EPHA3: variants seen among roughly 807,000 people sequenced by gnomAD.
The protein encoded by EPHA3 is ephrin type-A receptor 3.
Under a neutral mutation model 107.1 loss-of-function variants are expected in EPHA3, and 42 were observed. The observed-to-expected ratio is 0.39, with a 90% CI of 0.31 to 0.51. The LOEUF is 0.51. Among genes scored for constraint, EPHA3 ranks in the 20% least tolerant of loss-of-function variants. EPHA3 has a pLI of 0.78. For missense variants in EPHA3, 1,183 were observed against 1,211.2 expected (o/e 0.98, Z 0.35); for synonymous variants, 461 against 424.8 (o/e 1.09, Z -1.05).
rs529350363 is a variant in EPHA3 at position 89,369,485 on chromosome 3, T to A, written c.1307-26352T>A. On this transcript the variant is annotated intron_variant, in intron 5 of 16. Coordinates refer to ENST00000336596, the MANE Select transcript of EPHA3 (RefSeq NM_005233.6). ...AAACTGGATCCCTTCCTTACACAAC[T>A]AATTTATACAAAAATTAATTCAAGA... Among the ~76,000 whole-genome samples the A allele has an allele frequency of 8.5e-4, 127 of 149,484 alleles. 5 individuals are homozygous for A. Among genetic ancestry groups the A allele is most frequent in the African/African-American group, 3.0e-3 (121 of 40,186 alleles).
chr3:89,236,345 T>G (rs2107234752), intron 3 of EPHA3, among the ~76,000 whole-genome samples: 1 of 151,598 alleles, frequency 6.6e-6, no homozygotes, highest in South Asian at 2.1e-4. Flanking sequence ...AGTAAATGAA[T>G]AAAAGGTGGT....
intron 3 of EPHA3, among the ~76,000 whole-genome samples, chr3:89,267,327 A>G (rs975691579): frequency 9.2e-5 from 14 of 152,156 alleles, no homozygotes; most frequent in Admixed American, 2.0e-4. Context: ...GTGTACTTCA[A>G]TTGGAAGGGA....
intron 3 of EPHA3, among the ~76,000 whole-genome samples, chr3:89,248,686 C>T (rs1705094326): frequency 6.6e-6 from 1 of 152,148 alleles, no homozygotes; most frequent in African/African-American, 2.4e-5. Context: ...ATAATCCCTG[C>T]AGCTTCATCA....
At chr3:89,447,742 T>A (rs1709903967) in intron 13 of EPHA3, among the ~76,000 whole-genome samples, 1 of 152,178 alleles carries the variant, frequency 6.6e-6, no homozygotes, top group African/African-American at 2.4e-5. Flanking sequence ...CTAAATATTT[T>A]ACTGAAATTT....
chr3:89,191,423 C>T (rs1289217215), intron 2 of EPHA3, among the ~76,000 whole-genome samples: 2 of 152,000 alleles, frequency 1.3e-5, no homozygotes, highest in African/African-American at 2.4e-5. Flanking sequence ...TCTCCTGCCT[C>T]AGCCTCCCGA....
At chr3:89,125,779 G>T (rs573066180) in intron 1 of EPHA3, among the ~76,000 whole-genome samples, 56 of 151,564 alleles carry the variant, frequency 3.7e-4, no homozygotes, top group Non-Finnish European at 7.4e-4. Flanking sequence ...GTGATCAAGA[G>T]CCTTACTTTT....
chr3:89,441,590 T>C (rs983104640), intron 13 of EPHA3, among the ~76,000 whole-genome samples: 1 of 152,162 alleles, frequency 6.6e-6, no homozygotes, highest in Admixed American at 6.6e-5. Context: ...CTAAAGCATC[T>C]ACATTTTAAA....
intron 3 of EPHA3, among the ~76,000 whole-genome samples, chr3:89,257,644 GA>G (rs1043777465): frequency 7.4e-6 from 1 of 134,938 alleles, no homozygotes; most frequent in African/African-American, 2.8e-5. Context: ...ACAATTAAAA[GA>G]AAAAAAATAC....
At chr3:89,430,743 A>G (rs1397770207) in intron 12 of EPHA3, among the ~76,000 whole-genome samples, 2 of 152,174 alleles carry the variant, frequency 1.3e-5, no homozygotes, top group African/African-American at 4.8e-5. Flanking sequence ...GAAACAATTC[A>G]TAAAATATCA....
chr3:89,152,394 A>G (rs1704708468), intron 2 of EPHA3, among the ~76,000 whole-genome samples: 1 of 152,022 alleles, frequency 6.6e-6, no homozygotes, highest in African/African-American at 2.4e-5. Flanking sequence ...CTTTCCACCC[A>G]CAACCTCCTT....
At chr3:89,136,330 C>CTGTTTTTTTTTTTTT (rs1704309654) in intron 2 of EPHA3, among the ~76,000 whole-genome samples, 5 of 23,368 alleles carry the variant, frequency 2.1e-4, no homozygotes, top group Non-Finnish European at 3.9e-4. Context: ...ATCTTACAGG[C>CTGTTTTTTTTTTTTT]TTTTTTTTTT....
At chr3:89,117,681 T>C (rs529054074) in intron 1 of EPHA3, among the ~76,000 whole-genome samples, 2 of 152,162 alleles carry the variant, frequency 1.3e-5, no homozygotes, top group East Asian at 1.9e-4. Context: ...AATGAATAAA[T>C]ATATACCTTT....
intron 2 of EPHA3, among the ~76,000 whole-genome samples, chr3:89,165,000 G>T (rs773683658): frequency 7.2e-5 from 11 of 152,134 alleles, no homozygotes; most frequent in Non-Finnish European, 1.5e-4. Flanking sequence ...TTATACTTCA[G>T]AAACTGTTTC....
intron 1 of EPHA3, among the ~76,000 whole-genome samples, chr3:89,114,308 G>T (rs1707197784): frequency 6.6e-6 from 1 of 152,132 alleles, no homozygotes; most frequent in Non-Finnish European, 1.5e-5. Context: ...GTGGCAACAG[G>T]GAGATGAGCA....
intron 3 of EPHA3, among the ~76,000 whole-genome samples, chr3:89,306,546 C>A (rs1352324753): frequency 6.6e-6 from 1 of 152,010 alleles, no homozygotes; most frequent in Non-Finnish European, 1.5e-5. Flanking sequence ...TTTTGAATAA[C>A]AAGTTATAGT....
At chr3:89,259,071 G>A (rs1476423323) in intron 3 of EPHA3, among the ~76,000 whole-genome samples, 1 of 152,124 alleles carries the variant, frequency 6.6e-6, no homozygotes, top group African/African-American at 2.4e-5. Context: ...ATTGAGGGAA[G>A]CTGAGTGAAG....
chr3:89,301,180 C>T (rs375750869), intron 3 of EPHA3, among the ~76,000 whole-genome samples: 2 of 152,026 alleles, frequency 1.3e-5, no homozygotes, highest in Non-Finnish European at 2.9e-5. Context: ...AGGAAGTATT[C>T]TCATGTGGCT....
chr3:89,203,672 G>C (rs1046626081), intron 2 of EPHA3, among the ~76,000 whole-genome samples: 11 of 152,052 alleles, frequency 7.2e-5, no homozygotes, highest in African/African-American at 7.2e-5. Flanking sequence ...AGCTACTCGG[G>C]AGGCTGAGGC....
chr3:89,137,654 A>G (rs1704344424), intron 2 of EPHA3, among the ~76,000 whole-genome samples: 2 of 152,092 alleles, frequency 1.3e-5, no homozygotes, highest in South Asian at 2.1e-4. Flanking sequence ...TTGAGAAATA[A>G]TTATGTGAAT....
Sources: allele counts gnomAD v4.1 joint callset (sites outside exome capture counted in the v4.1 genomes callset), GRCh38; gene constraint gnomAD v4.1.1; transcripts MANE v1.5; gene names NCBI Gene and HGNC (gene_info 2026-07-23, HGNC 2026-07-21).